Variants in CREBBP observed in about 807,000 individuals in gnomAD.
The protein encoded by CREBBP is CREB-binding protein.
CREBBP carries 19 observed loss-of-function variants against 265.0 expected under a neutral mutation model. The ratio of observed to expected loss-of-function variants is 0.07; its 90% CI spans 0.05 to 0.11. CREBBP has a LOEUF of 0.11. Ranked by LOEUF, CREBBP falls within the 10% of genes least tolerant of loss-of-function variation. The probability of loss-of-function intolerance (pLI) is 1.00; values close to 1 mark genes in which losing one functional copy is unlikely to be tolerated. For missense variants in CREBBP, 2,525 were observed against 3,219.0 expected, an observed-to-expected ratio of 0.78 and a Z score of 5.22; for synonymous variants, 1,457 against 1,223.7, an observed-to-expected ratio of 1.19 and a Z score of -3.98.
At chr16:3,879,234 G>GCACACACACACA (rs77377127) in intron 1 of CREBBP, among the ~76,000 whole-genome samples, 1 of 150,720 alleles carries the variant, frequency 6.6e-6, no homozygotes, top group African/African-American at 2.4e-5. Flanking sequence ...ACACACGCGC[G>GCACACACACACA]CACACACACA....
chr16:3,876,399 C>CAAAAAAAAAAAAAA (rs71133663), intron 1 of CREBBP, among the ~76,000 whole-genome samples: 4 of 18,150 alleles, frequency 2.2e-4, no homozygotes, highest in African/African-American at 7.3e-4. Context: ...TAAAGCTGAC[C>CAAAAAAAAAAAAAA]AAAAAAAAAA....
chr16:3,857,522 A>T (rs1375573949), intron 1 of CREBBP, among the ~76,000 whole-genome samples: 1 of 152,236 alleles, frequency 6.6e-6, no homozygotes, highest in Non-Finnish European at 1.5e-5. Flanking sequence ...AACACAACAC[A>T]GCTTTGCTTT....
intron 2 of CREBBP, chr16:3,840,531 C>T: frequency 6.4e-6 from 1 of 156,582 alleles, no homozygotes; most frequent in Non-Finnish European, 1.4e-5. Context: ...ACACAATGGA[C>T]CCATCACAAA....
intron 23 of CREBBP, chr16:3,743,188 C>T (rs928145487): frequency 6.6e-6 from 1 of 152,226 alleles, no homozygotes; most frequent in African/African-American, 2.4e-5. Flanking sequence ...GTTACTGGCA[C>T]TGAGTGGGCA....
In CREBBP at chr16:3,751,753, A is replaced by G. The variant is rs1419714822; in HGVS notation, c.3752T>C (p.Leu1251Pro). Residue 1251 changes from leucine (L) to proline (P), a missense_variant, in exon 20 of 31, where the codon CTG (leucine) becomes CCG (proline). Physicochemically the swap from Leu to Pro is moderately conservative, Grantham distance 98. Transcript: ENST00000262367. Reference sequence around the variant, plus strand: ...CTGGGGCTGTGAAGGGTCGTCACCCAGGGTCACATTCTCGCCCTGGATCTC... The same window carrying G: ...CTGGGGCTGTGAAGGGTCGTCACCCGGGGTCACATTCTCGCCCTGGATCTC... ...FTEIQGENVT[L>P]GDDPSQPQTT... is the part of the protein sequence containing the mutation. The G allele has an allele frequency of 6.2e-7, 1 of 1,614,206 alleles. No individual in the cohort carries two copies. Among genetic ancestry groups the G allele is most frequent in the East Asian group, 2.2e-5 (1 of 44,884 alleles).
At chr16:3,840,367 T>C (rs564754245) in intron 2 of CREBBP, among the ~76,000 whole-genome samples, 9 of 152,124 alleles carry the variant, frequency 5.9e-5, no homozygotes, top group African/African-American at 1.2e-4. Context: ...CCAGGCAACA[T>C]AGCAACACCA....
At chr16:3,804,282 T>C (rs530981806) in intron 3 of CREBBP, among the ~76,000 whole-genome samples, 77 of 152,346 alleles carry the variant, frequency 5.1e-4, no homozygotes, top group African/African-American at 1.7e-3. Context: ...TGAATACTGT[T>C]GATATATACA....
chr16:3,731,497 TC>T lies in CREBBP; in HGVS notation c.4891-25del, dbSNP rs1282326005. On this transcript the variant is annotated intron_variant, in intron 29 of 30. Coordinates refer to ENST00000262367, the MANE Select transcript of CREBBP (RefSeq NM_004380.3). The surrounding 1 kb of genome is among the most constrained non-coding windows in gnomAD (Gnocchi z 7.7). ...ACCTGCAGGAGAGGAGGGGCTTTAG[TC>T]CCACACAAGGGACATGGCACCTCCA... 1 of 1,565,074 alleles carries T rather than the reference TC, an allele frequency of 6.4e-7. No individual in the cohort carries two copies. The highest frequency in any genetic ancestry group is 8.6e-7 in the Non-Finnish European group (1 of 1,158,060).
At chr16:3,864,796 G>A (rs146403620) in intron 1 of CREBBP, among the ~76,000 whole-genome samples, 7 of 152,240 alleles carry the variant, frequency 4.6e-5, no homozygotes, top group Admixed American at 1.3e-4. Context: ...GCTGGGCATG[G>A]TGGTTCACAC....
intron 23 of CREBBP, chr16:3,743,187 A>C (rs1251992145): frequency 1.3e-5 from 2 of 152,256 alleles, no homozygotes; most frequent in African/African-American, 4.8e-5. Flanking sequence ...TGTTACTGGC[A>C]CTGAGTGGGC....
At chr16:3,864,143 G>GA (rs2055132221) in intron 1 of CREBBP, among the ~76,000 whole-genome samples, 2 of 152,320 alleles carry the variant, frequency 1.3e-5, no homozygotes, top group Admixed American at 1.3e-4. Context: ...CATATTGTAA[G>GA]AACAAGCAAA....
intron 13 of CREBBP, among the ~76,000 whole-genome samples, chr16:3,773,018 G>A (rs1322690737): frequency 1.3e-5 from 2 of 151,868 alleles, no homozygotes; most frequent in East Asian, 1.9e-4. Context: ...AACCCGGGAG[G>A]CGGAGGTTGC....
At chr16:3,796,097 G>A (rs1351406514) in intron 3 of CREBBP, among the ~76,000 whole-genome samples, 1 of 151,976 alleles carries the variant, frequency 6.6e-6, no homozygotes, top group East Asian at 1.9e-4. Context: ...CCACACAGTT[G>A]TCCTCTCACT....
intron 2 of CREBBP, among the ~76,000 whole-genome samples, chr16:3,835,145 C>T (rs777146644): frequency 1.1e-4 from 17 of 151,928 alleles, no homozygotes; most frequent in South Asian, 2.1e-4. Flanking sequence ...GGCAAAAGAG[C>T]GAGACTCCTT....
At position 3,880,667 on chromosome 16, in the gene CREBBP, G is replaced by A. The variant is rs539913897; in HGVS notation, c.-751C>T. 5,997 of 147,412 alleles carry A rather than the reference G, an allele frequency of 0.041. 164 individuals are homozygous for A. Among genetic ancestry groups the A allele is most frequent in the Middle Eastern group, 0.091 (26 of 286 alleles). 9.1% of individuals were successfully genotyped at this position (147,412 alleles called of 1,614,324 possible). A position where few individuals can be genotyped will look rare whatever the true frequency, so the allele number is the denominator to read the frequency against. On this transcript the variant is annotated 5_prime_UTR_variant, in exon 1 of 31. Coordinates refer to ENST00000262367, the MANE Select transcript of CREBBP (RefSeq NM_004380.3). Reference sequence around the variant, plus strand: ...CGGGGCCGAGTAGATCGCGCTCGAAGCCCCGGTCGGGTCCGCGACAAGATG... The same window carrying A: ...CGGGGCCGAGTAGATCGCGCTCGAAACCCCGGTCGGGTCCGCGACAAGATG...
chr16:3,779,463 T>A (rs1003351141), intron 8 of CREBBP, among the ~76,000 whole-genome samples: 6 of 152,202 alleles, frequency 3.9e-5, no homozygotes, highest in African/African-American at 1.4e-4. Flanking sequence ...TGGGGGCCAC[T>A]GCACCTGGCC....
chr16:3,765,690 T>C (rs2052834226), intron 16 of CREBBP, among the ~76,000 whole-genome samples: 1 of 152,170 alleles, frequency 6.6e-6, no homozygotes, highest in Non-Finnish European at 1.5e-5. Context: ...CTCTGTCACT[T>C]AGGCTGGAGT....
At chr16:3,782,577 G>A (rs902598457) in intron 6 of CREBBP, 107 bp downstream of exon 6, 19 of 1,417,850 alleles carry the variant, frequency 1.3e-5, no homozygotes, top group South Asian at 5.3e-5. Context: ...TTCAACCACC[G>A]TAGTAAAAAA....
intron 2 of CREBBP, among the ~76,000 whole-genome samples, chr16:3,841,663 G>A (rs925845994): frequency 6.6e-6 from 1 of 151,986 alleles, no homozygotes; most frequent in African/African-American, 2.4e-5. Context: ...TAATATTAGA[G>A]ATTTCCAATA....
Sources: allele counts gnomAD v4.1 joint callset (sites outside exome capture counted in the v4.1 genomes callset), GRCh38; gene constraint gnomAD v4.1.1; non-coding constraint Gnocchi (gnomAD v3.1); transcripts MANE v1.5; gene names NCBI Gene and HGNC (gene_info 2026-07-23, HGNC 2026-07-21).